Variants in MRTFA observed in about 807,000 individuals in gnomAD.
MRTFA encodes the protein myocardin-related transcription factor A.
In MRTFA, 20 loss-of-function variants were observed where a neutral mutation model predicts 83.5. The ratio of observed to expected loss-of-function variants is 0.24; its 90% CI spans 0.17 to 0.35. MRTFA has a LOEUF of 0.35. MRTFA is among the 10% of genes least tolerant of loss of function. MRTFA has a pLI of 1.00. For synonymous variants in MRTFA, 659 were observed against 541.2 expected (o/e 1.22, Z -3.02); for missense variants, 1,200 against 1,224.7 (o/e 0.98, Z 0.30).
intron 3 of MRTFA, among the ~76,000 whole-genome samples, chr22:40,475,130 C>T (rs1049272034): frequency 6.6e-6 from 1 of 152,080 alleles, no homozygotes; most frequent in African/African-American, 2.4e-5. Flanking sequence ...TGAGCCACTG[C>T]GCCCAGCCAA....
chr22:40,518,242 G>A (rs1174811860), intron 3 of MRTFA, among the ~76,000 whole-genome samples: 1 of 152,186 alleles, frequency 6.6e-6, no homozygotes, highest in Non-Finnish European at 1.5e-5. Flanking sequence ...TCAGACAGAA[G>A]TTGTGGATAA....
intron 3 of MRTFA, among the ~76,000 whole-genome samples, chr22:40,543,517 C>T (rs1474160900): frequency 6.6e-6 from 1 of 152,164 alleles, no homozygotes; most frequent in Non-Finnish European, 1.5e-5. Context: ...TATCCAGCAC[C>T]TCAGATTACA....
intron 13 of MRTFA, 121 bp from the exon 14 acceptor site, chr22:40,417,167 G>C: frequency 7.3e-7 from 1 of 1,360,778 alleles, no homozygotes; most frequent in Admixed American, 2.2e-5. Context: ...CAGGACCCAT[G>C]GGCGTGCCCG....
chr22:40,486,723 C>T (rs555937790), intron 3 of MRTFA, among the ~76,000 whole-genome samples: 1 of 152,320 alleles, frequency 6.6e-6, no homozygotes, highest in African/African-American at 2.4e-5. Flanking sequence ...TGCAGTGTGG[C>T]TCACGCCTCT....
At chr22:40,478,850 C>G (rs1031288439) in intron 3 of MRTFA, among the ~76,000 whole-genome samples, 1 of 152,130 alleles carries the variant, frequency 6.6e-6, no homozygotes, top group African/African-American at 2.4e-5. Flanking sequence ...TCTGAAGACC[C>G]TTAGATTGAC....
chr22:40,549,340 C>T (rs1377420203), intron 3 of MRTFA, among the ~76,000 whole-genome samples: 1 of 152,134 alleles, frequency 6.6e-6, no homozygotes. Context: ...CATCCAGGAA[C>T]AGTAAAATGG....
chr22:40,546,137 CTCT>C (rs1262398579), intron 3 of MRTFA, among the ~76,000 whole-genome samples: 1 of 152,262 alleles, frequency 6.6e-6, no homozygotes, highest in Admixed American at 6.5e-5. Context: ...AAAGCACCTC[CTCT>C]AACTCTAGAA....
intron 1 of MRTFA, among the ~76,000 whole-genome samples, chr22:40,614,403 CCT>C (rs1386530573): frequency 6.7e-6 from 1 of 149,444 alleles, no homozygotes; most frequent in African/African-American, 2.5e-5. Context: ...AAAGTGAGAC[CCT>C]GTCTCCAAAA....
In MRTFA at chr22:40,421,161, T is replaced by C. The variant is rs2052830858; in HGVS notation, c.928-61A>G. 2.7e-6 allele frequency: 4 copies of C among 1,496,738 alleles called. No individual in the cohort carries two copies. The East Asian group carries it at 7.1e-5, about 26-fold the overall frequency. The allele number at this position is 1,496,738 out of a possible 1,614,324, so 92.7% of individuals were successfully genotyped here. A position where few individuals can be genotyped will look rare whatever the true frequency, so the allele number is the denominator to read the frequency against. ...AGCCTCAGGCTTCTCGGGGTGGGGC[T>C]GGCAACTCTCCCCACACCTGTGTGG... On this transcript the variant is annotated intron_variant, in intron 9 of 14. Coordinates refer to ENST00000355630, the MANE Select transcript of MRTFA (RefSeq NM_020831.6).
chr22:40,445,663 C>T (rs1021111027), intron 4 of MRTFA, among the ~76,000 whole-genome samples: 5 of 152,160 alleles, frequency 3.3e-5, no homozygotes, highest in African/African-American at 9.7e-5. Flanking sequence ...ATTCTCCTGC[C>T]TCAGCCTCCT....
chr22:40,574,699 G>C (rs1191097997), intron 2 of MRTFA, among the ~76,000 whole-genome samples: 1 of 151,938 alleles, frequency 6.6e-6, no homozygotes, highest in African/African-American at 2.4e-5. Flanking sequence ...CTCCCAAAGT[G>C]CTGGGATTAT....
At chr22:40,536,904 C>T (rs1430933748) in intron 3 of MRTFA, among the ~76,000 whole-genome samples, 20 of 74,694 alleles carry the variant, frequency 2.7e-4, no homozygotes, top group Non-Finnish European at 4.7e-4. Context: ...GCCCCTCCGC[C>T]CGGCAGCCGC....
At chr22:40,482,787 G>C (rs991873913) in intron 3 of MRTFA, among the ~76,000 whole-genome samples, 4 of 152,136 alleles carry the variant, frequency 2.6e-5, no homozygotes, top group Admixed American at 6.5e-5. Flanking sequence ...ACTTGGAATA[G>C]GGTAGTCATT....
chr22:40,457,473 A>AGAAAGGAAGAAAGAAG (rs1569275902), intron 4 of MRTFA, among the ~76,000 whole-genome samples: 33 of 143,712 alleles, frequency 2.3e-4, no homozygotes, highest in Middle Eastern at 6.9e-3. Flanking sequence ...AAAGAAAGAA[A>AGAAAGGAAGAAAGAAG]GAAAGAAAGA....
chr22:40,486,874 A>G (rs2054182732), intron 3 of MRTFA, among the ~76,000 whole-genome samples: 1 of 152,150 alleles, frequency 6.6e-6, no homozygotes, highest in South Asian at 2.1e-4. Flanking sequence ...TTGGGGGACT[A>G]AGGCGGGAGG....
At chr22:40,424,898 G>T (rs1354549470) in intron 7 of MRTFA, among the ~76,000 whole-genome samples, 1 of 152,306 alleles carries the variant, frequency 6.6e-6, no homozygotes, top group Non-Finnish European at 1.5e-5. Context: ...TGTGAGTGTA[G>T]CTGAATTCCC....
At position 40,424,201 on chromosome 22, in the gene MRTFA, C is replaced by T; in HGVS notation, c.777+5G>A. The T allele has an allele frequency of 6.3e-7, 1 of 1,588,384 alleles. No individual in the cohort carries two copies. The highest frequency in any genetic ancestry group is 8.5e-7 in the Non-Finnish European group (1 of 1,169,874). On this transcript the variant is annotated splice_donor_5th_base_variant and intron_variant, in intron 8 of 14. Coordinates refer to ENST00000355630, the MANE Select transcript of MRTFA (RefSeq NM_020831.6). ...CTGGGGAAGCATCTGGAAGCACACACTCACCTGGGTGGGGGATGCAGAGGT... is the reference window on the plus strand; with the variant it reads ...CTGGGGAAGCATCTGGAAGCACACATTCACCTGGGTGGGGGATGCAGAGGT...
At chr22:40,484,788 T>C (rs761663746) in intron 3 of MRTFA, among the ~76,000 whole-genome samples, 3 of 151,994 alleles carry the variant, frequency 2.0e-5, no homozygotes, top group African/African-American at 7.3e-5. Flanking sequence ...AATCTAAAAG[T>C]AGAGGCGGGT....
chr22:40,425,699 T>G (rs2052939696), intron 7 of MRTFA, among the ~76,000 whole-genome samples: 1 of 152,164 alleles, frequency 6.6e-6, no homozygotes, highest in South Asian at 2.1e-4. Flanking sequence ...ACGGCTAGAT[T>G]TCCCCCACAA....
Sources: gnomAD v4.1 joint callset for allele counts (sites outside exome capture counted in the v4.1 genomes callset) on GRCh38, gnomAD v4.1.1 for gene constraint, MANE v1.5 for transcripts, NCBI Gene and HGNC (gene_info 2026-07-23, HGNC 2026-07-21) for gene names.